The following KLF12 variants were observed in gnomAD, a reference collection of about 807,000 sequenced individuals.
KLF12 encodes the protein KLF transcription factor 12, also known as Krueppel-like factor 12.
KLF12 carries 9 observed loss-of-function variants against 37.8 expected under a neutral mutation model. That is an observed-to-expected ratio of 0.24 (90% CI 0.14 to 0.42). The LOEUF (loss-of-function observed/expected upper bound fraction) is 0.42, where lower values mean the gene tolerates loss of function less well. Ranked by LOEUF, KLF12 falls within the 10% of genes least tolerant of loss-of-function variation. KLF12 has a pLI of 1.00. For missense variants in KLF12, 411 were observed against 516.0 expected (o/e 0.80, Z 1.97); for synonymous variants, 208 against 202.1 (o/e 1.03, Z -0.25).
intron 1 of KLF12, among the ~76,000 whole-genome samples, chr13:74,072,753 A>G (rs1874347099): frequency 6.6e-6 from 1 of 152,146 alleles, no homozygotes; most frequent in African/African-American, 2.4e-5. Context: ...AAAATAGCAC[A>G]CAATGACTAC....
At chr13:73,823,237 GC>G (rs1883633758) in intron 4 of KLF12, among the ~76,000 whole-genome samples, 1 of 151,630 alleles carries the variant, frequency 6.6e-6, no homozygotes, top group African/African-American at 2.4e-5. Flanking sequence ...CCAAATCACA[GC>G]CCTAGTCTTA....
At chr13:74,265,257 G>C in the KLF12 span, among the ~76,000 whole-genome samples, 2 of 152,138 alleles carry the variant, frequency 1.3e-5, no homozygotes, top group Admixed American at 6.5e-5. Flanking sequence ...TCCTATGATT[G>C]AGAAGGGCAG....
At chr13:74,008,298 A>C (rs1383606631) in intron 1 of KLF12, among the ~76,000 whole-genome samples, 4 of 152,166 alleles carry the variant, frequency 2.6e-5, no homozygotes, top group Non-Finnish European at 5.9e-5. Flanking sequence ...ATCAGCTACC[A>C]CCAAGGACCA....
At chr13:74,214,323 C>T in the KLF12 span, among the ~76,000 whole-genome samples, 1 of 151,570 alleles carries the variant, frequency 6.6e-6, no homozygotes, top group Non-Finnish European at 1.5e-5. Flanking sequence ...ACTAGTTTCA[C>T]TCTAGAGCTG....
chr13:74,153,913 ACC>A, the KLF12 span, among the ~76,000 whole-genome samples: 1 of 151,654 alleles, frequency 6.6e-6, no homozygotes, highest in South Asian at 2.1e-4. Context: ...TTGGATATGA[ACC>A]CCCCACCGAA....
At chr13:74,292,526 G>A in the KLF12 span, among the ~76,000 whole-genome samples, 1 of 150,060 alleles carries the variant, frequency 6.7e-6, no homozygotes. Context: ...TACATGACCT[G>A]TCTCCTTACT....
chr13:74,069,066 TA>T (rs1282034003), intron 1 of KLF12, among the ~76,000 whole-genome samples: 3 of 152,184 alleles, frequency 2.0e-5, no homozygotes, highest in African/African-American at 7.2e-5. Context: ...TGGTCAAATG[TA>T]ATGGGATAGA....
intron 2 of KLF12, among the ~76,000 whole-genome samples, chr13:73,948,501 G>T (rs973633537): frequency 1.3e-5 from 2 of 152,232 alleles, no homozygotes; most frequent in African/African-American, 4.8e-5. Flanking sequence ...ATACAGGCAT[G>T]AGCCACCAGG....
the KLF12 span, among the ~76,000 whole-genome samples, chr13:74,205,955 G>T: frequency 1.3e-5 from 2 of 152,110 alleles, no homozygotes; most frequent in Non-Finnish European, 2.9e-5. Flanking sequence ...TTGCCTTGGA[G>T]GTAATGTCTG....
intron 5 of KLF12, among the ~76,000 whole-genome samples, chr13:73,808,809 C>T (rs912735121): frequency 3.9e-5 from 6 of 152,128 alleles, no homozygotes; most frequent in African/African-American, 1.4e-4. Flanking sequence ...GGGAAGGAGA[C>T]AAGAAGAGCT....
At chr13:74,200,535 A>T in the KLF12 span, among the ~76,000 whole-genome samples, 1 of 152,072 alleles carries the variant, frequency 6.6e-6, no homozygotes, top group Non-Finnish European at 1.5e-5. Flanking sequence ...GAGGGAAAAG[A>T]CTGAAGATTG....
At chr13:73,814,742 A>G (rs1594123012) in intron 4 of KLF12, among the ~76,000 whole-genome samples, 1 of 152,174 alleles carries the variant, frequency 6.6e-6, no homozygotes, top group Admixed American at 6.6e-5. Context: ...GACATTACTG[A>G]TTGTCACAAC....
chr13:73,921,545 C>T (rs1889116836), intron 3 of KLF12, among the ~76,000 whole-genome samples: 1 of 151,946 alleles, frequency 6.6e-6, no homozygotes, highest in African/African-American at 2.4e-5. Flanking sequence ...TTACATATTC[C>T]ACAACTTAAT....
the KLF12 span, among the ~76,000 whole-genome samples, chr13:74,160,273 G>A: frequency 6.6e-6 from 1 of 152,104 alleles, no homozygotes; most frequent in Non-Finnish European, 1.5e-5. Flanking sequence ...CTGAAATTCT[G>A]AACCCATGGA....
the KLF12 span, among the ~76,000 whole-genome samples, chr13:74,279,986 G>T: frequency 1.3e-5 from 2 of 152,156 alleles, no homozygotes; most frequent in Admixed American, 1.3e-4. Flanking sequence ...AATAACTTTG[G>T]TCTGGACAAT....
At chr13:74,098,016 G>T (rs1015411547) in intron 1 of KLF12, among the ~76,000 whole-genome samples, 4 of 152,032 alleles carry the variant, frequency 2.6e-5, no homozygotes, top group African/African-American at 9.7e-5. Flanking sequence ...TATTTTTACA[G>T]GCTACTACTA....
intron 3 of KLF12, among the ~76,000 whole-genome samples, chr13:73,885,528 T>C (rs1887179270): frequency 1.3e-5 from 2 of 152,220 alleles, no homozygotes; most frequent in African/African-American, 4.8e-5. Context: ...TCTCTGCAAC[T>C]GCTGATCAAT....
the KLF12 span, among the ~76,000 whole-genome samples, chr13:74,291,663 G>A: frequency 6.6e-6 from 1 of 152,220 alleles, no homozygotes; most frequent in African/African-American, 2.4e-5. Flanking sequence ...AAGTGTTCAT[G>A]TGTAGGAGAA....
At chr13:74,147,197 T>A in the KLF12 span, among the ~76,000 whole-genome samples, 2 of 152,206 alleles carry the variant, frequency 1.3e-5, no homozygotes, top group African/African-American at 4.8e-5. Flanking sequence ...TTCACATAGT[T>A]CAGACATTGT....
Sources: gnomAD v4.1 joint callset for allele counts (sites outside exome capture counted in the v4.1 genomes callset) on GRCh38, gnomAD v4.1.1 for gene constraint, MANE v1.5 for transcripts, NCBI Gene and HGNC (gene_info 2026-07-23, HGNC 2026-07-21) for gene names.